Variants in SPATS2 observed in about 807,000 individuals in gnomAD.
The protein encoded by SPATS2 is spermatogenesis-associated serine-rich protein 2.
Under a neutral mutation model 63.7 loss-of-function variants are expected in SPATS2, and 38 were observed. That is an observed-to-expected ratio of 0.60 (90% confidence interval 0.46 to 0.78). The LOEUF is 0.78. SPATS2 is among the 30% of genes least tolerant of loss of function. The pLI is 0.00. For synonymous variants in SPATS2, 207 were observed against 232.9 expected (o/e 0.89, Z 1.01); for missense variants, 588 against 666.2 (o/e 0.88, Z 1.29).
At chr12:49,425,590 G>A (rs1314273950) in intron 2 of SPATS2, among the ~76,000 whole-genome samples, 1 of 152,110 alleles carries the variant, frequency 6.6e-6, no homozygotes, top group Non-Finnish European at 1.5e-5. Flanking sequence ...AAAGTGCTGG[G>A]ATTACAGGCA....
At chr12:49,390,847 A>G (rs1944406150) in intron 2 of SPATS2, among the ~76,000 whole-genome samples, 1 of 152,258 alleles carries the variant, frequency 6.6e-6, no homozygotes, top group African/African-American at 2.4e-5. Flanking sequence ...AGAAAATCTT[A>G]TAATAGACAT....
intron 7 of SPATS2, among the ~76,000 whole-genome samples, chr12:49,495,803 A>G (rs1373659658): frequency 6.6e-6 from 1 of 152,184 alleles, no homozygotes; most frequent in Non-Finnish European, 1.5e-5. Flanking sequence ...GATGATGTTG[A>G]TATTATTATT....
chr12:49,508,856 G>A (rs1478534109), intron 9 of SPATS2, among the ~76,000 whole-genome samples: 2 of 152,070 alleles, frequency 1.3e-5, no homozygotes, highest in East Asian at 1.9e-4. Context: ...CTGAGGTCAG[G>A]AGTTTGAAAC....
intron 2 of SPATS2, among the ~76,000 whole-genome samples, chr12:49,414,940 C>CTT (rs1198243704): frequency 5.5e-5 from 7 of 126,912 alleles, no homozygotes; most frequent in Non-Finnish European, 8.6e-5. Context: ...TTTTTCTTTT[C>CTT]TTTTTTTTTT....
chr12:49,367,822 C>G (rs1260924477), intron 1 of SPATS2, among the ~76,000 whole-genome samples: 1 of 129,884 alleles, frequency 7.7e-6, no homozygotes, highest in African/African-American at 3.0e-5. Flanking sequence ...ACGGATAGGC[C>G]GGGGAAACAA....
intron 2 of SPATS2, chr12:49,389,924 C>T: frequency 3.7e-6 from 3 of 808,882 alleles, no homozygotes; most frequent in Non-Finnish European, 6.7e-6. Flanking sequence ...GATACAGGCA[C>T]ATGTTGACCA....
chr12:49,508,932 C>T (rs1043117146), intron 9 of SPATS2, among the ~76,000 whole-genome samples: 36 of 152,104 alleles, frequency 2.4e-4, no homozygotes, highest in African/African-American at 8.4e-4. Flanking sequence ...GGCGTGGTGG[C>T]GTGCACCTGT....
chr12:49,391,426 C>T (rs932157616), intron 2 of SPATS2, among the ~76,000 whole-genome samples: 9 of 152,082 alleles, frequency 5.9e-5, no homozygotes, highest in African/African-American at 2.2e-4. Context: ...GCAGGAGAAT[C>T]GCTTGAACCC....
At chr12:49,503,827 TC>T (rs1946610446) in intron 9 of SPATS2, among the ~76,000 whole-genome samples, 1 of 152,142 alleles carries the variant, frequency 6.6e-6, no homozygotes, top group African/African-American at 2.4e-5. Flanking sequence ...ATTTGTGAAT[TC>T]CTGCTGACTG....
At chr12:49,485,640 CCA>C (rs1946278888) in intron 4 of SPATS2, among the ~76,000 whole-genome samples, 1 of 151,964 alleles carries the variant, frequency 6.6e-6, no homozygotes, top group Admixed American at 6.6e-5. Flanking sequence ...AGGATAGTCA[CCA>C]CACCTGGCCA....
At chr12:49,497,107 G>A in intron 8 of SPATS2, 98 bp downstream of exon 8, 1 of 1,215,286 alleles carries the variant, frequency 8.2e-7, no homozygotes, top group Admixed American at 2.7e-5. Context: ...GTTTCAGAAG[G>A]GCATCAGTTA....
intron 2 of SPATS2, among the ~76,000 whole-genome samples, chr12:49,384,541 G>T (rs1010548728): frequency 6.6e-6 from 1 of 152,154 alleles, no homozygotes; most frequent in Non-Finnish European, 1.5e-5. Context: ...GTGCCTACAT[G>T]TGTGCAAGTG....
chr12:49,446,039 G>GA (rs1272111668), intron 2 of SPATS2, among the ~76,000 whole-genome samples: 3 of 152,050 alleles, frequency 2.0e-5, no homozygotes, highest in Admixed American at 6.6e-5. Flanking sequence ...GAGTAGGTGG[G>GA]ACTACAGGCA....
At chr12:49,427,730 A>G (rs1176435302) in intron 2 of SPATS2, among the ~76,000 whole-genome samples, 1 of 152,160 alleles carries the variant, frequency 6.6e-6, no homozygotes, top group Non-Finnish European at 1.5e-5. Flanking sequence ...TCTGTTTGGT[A>G]ACTTGTTTTT....
At chr12:49,513,305 A>T (rs1229042663) in intron 9 of SPATS2, among the ~76,000 whole-genome samples, 2 of 152,172 alleles carry the variant, frequency 1.3e-5, no homozygotes, top group Non-Finnish European at 2.9e-5. Context: ...TCCCCTTCAA[A>T]AGGAGAAATC....
At chr12:49,368,040 A>G (rs1943932698) in intron 1 of SPATS2, among the ~76,000 whole-genome samples, 1 of 152,040 alleles carries the variant, frequency 6.6e-6, no homozygotes, top group Admixed American at 6.6e-5. Flanking sequence ...TAAGGGAGAG[A>G]AGGGCGTTCT....
chr12:49,495,351 G>T (rs544918963), intron 7 of SPATS2, among the ~76,000 whole-genome samples: 6 of 152,034 alleles, frequency 3.9e-5, no homozygotes, highest in African/African-American at 1.4e-4. Flanking sequence ...CCGCCACCAC[G>T]CCTGGCTAAT....
intron 7 of SPATS2, among the ~76,000 whole-genome samples, chr12:49,496,114 T>C (rs1231315477): frequency 6.6e-6 from 1 of 152,204 alleles, no homozygotes; most frequent in Non-Finnish European, 1.5e-5. Flanking sequence ...TTTTATTGAT[T>C]AGTATACACA....
chr12:49,408,641 C>T (rs1052406756), intron 2 of SPATS2, among the ~76,000 whole-genome samples: 5 of 149,704 alleles, frequency 3.3e-5, no homozygotes, highest in Non-Finnish European at 5.9e-5. Flanking sequence ...CTGCAGTCTC[C>T]GCCTCCTGGC....
Sources: allele counts gnomAD v4.1 joint callset (sites outside exome capture counted in the v4.1 genomes callset), GRCh38; gene constraint gnomAD v4.1.1; transcripts MANE v1.5; gene names NCBI Gene and HGNC (gene_info 2026-07-23, HGNC 2026-07-21).